Variants in DPP10 observed in about 807,000 individuals in gnomAD.
DPP10 encodes dipeptidyl peptidase like 10.
DPP10 carries 33 observed loss-of-function variants against 120.9 expected under a neutral mutation model. That is an observed-to-expected ratio of 0.27 (90% CI 0.21 to 0.37). DPP10 has a LOEUF of 0.37. Among genes scored for constraint, DPP10 ranks in the 10% least tolerant of loss-of-function variants. The pLI is 1.00. For missense variants in DPP10, 816 were observed against 942.8 expected (o/e 0.87, Z 1.76); for synonymous variants, 337 against 326.1 (o/e 1.03, Z -0.36).
At chr2:115,643,821 A>T (rs1469780017) in intron 5 of DPP10, among the ~76,000 whole-genome samples, 1 of 152,192 alleles carries the variant, frequency 6.6e-6, no homozygotes, top group Non-Finnish European at 1.5e-5. Flanking sequence ...TGATGAGCTT[A>T]GTCAGTTATT....
chr2:115,204,712 C>T (rs750003361), intron 1 of DPP10, among the ~76,000 whole-genome samples: 13 of 152,154 alleles, frequency 8.5e-5, no homozygotes, highest in African/African-American at 1.4e-4. Flanking sequence ...ATCTGTCTGC[C>T]TGTTCTGTCA....
chr2:114,865,892 C>A lies in DPP10; in HGVS notation c.60+423054C>A, dbSNP rs1690185485. 2.0e-5 allele frequency among the ~76,000 whole-genome samples: 3 copies of A among 152,054 alleles called. No homozygotes were observed. The South Asian group carries it at 6.2e-4, about 31-fold the overall frequency. ...TTTTGACAGTCCGAGGTGGGTGGATCACCTGAGGTAGGGAGTTCAAGACCA... is the reference window on the plus strand; with the variant it reads ...TTTTGACAGTCCGAGGTGGGTGGATAACCTGAGGTAGGGAGTTCAAGACCA... On this transcript the variant is annotated intron_variant, in intron 1 of 25. Transcript: ENST00000410059.
chr2:115,677,359 G>C (rs1016267078), intron 5 of DPP10, among the ~76,000 whole-genome samples: 3 of 152,176 alleles, frequency 2.0e-5, no homozygotes, highest in African/African-American at 7.2e-5. Context: ...GAGGAAGAAA[G>C]AAACAAAGAA....
intron 1 of DPP10, among the ~76,000 whole-genome samples, chr2:115,219,681 T>A (rs2057033573): frequency 6.6e-6 from 1 of 152,164 alleles, no homozygotes; most frequent in Non-Finnish European, 1.5e-5. Flanking sequence ...TCAAAAGAAC[T>A]TAATAATTAG....
chr2:114,581,468 C>A (rs11690260), intron 1 of DPP10, among the ~76,000 whole-genome samples: 3,905 of 152,202 alleles, frequency 0.026, 64 homozygotes, highest in South Asian at 0.034. Flanking sequence ...CAGGCATGAG[C>A]CACCACGCCC....
intron 1 of DPP10, among the ~76,000 whole-genome samples, chr2:114,936,425 G>A (rs150319520): frequency 2.8e-4 from 42 of 149,674 alleles, no homozygotes; most frequent in Middle Eastern, 3.5e-3. Flanking sequence ...ATATATGTGC[G>A]TATATATACA....
chr2:115,412,495 G>A (rs1048748172), intron 3 of DPP10, among the ~76,000 whole-genome samples: 4 of 152,124 alleles, frequency 2.6e-5, no homozygotes, highest in Non-Finnish European at 4.4e-5. Flanking sequence ...AAGGTTCATC[G>A]AAATTTAAAT....
chr2:114,914,898 G>A (rs1558874651), intron 1 of DPP10, among the ~76,000 whole-genome samples: 1 of 152,152 alleles, frequency 6.6e-6, no homozygotes, highest in African/African-American at 2.4e-5. Flanking sequence ...TTGGGAGGCC[G>A]AGGCGGGCGG....
At chr2:114,996,334 TATA>T (rs1701080361) in intron 1 of DPP10, among the ~76,000 whole-genome samples, 1 of 152,216 alleles carries the variant, frequency 6.6e-6, no homozygotes, top group African/African-American at 2.4e-5. Flanking sequence ...AGCATATAGA[TATA>T]ATAATGACAT....
chr2:115,205,123 T>C (rs893829886), intron 1 of DPP10, among the ~76,000 whole-genome samples: 2 of 152,198 alleles, frequency 1.3e-5, no homozygotes, highest in African/African-American at 4.8e-5. Context: ...ATTTTTATTT[T>C]TGTTGCAGTT....
chr2:115,190,568 C>T (rs192587869), intron 1 of DPP10, among the ~76,000 whole-genome samples: 2 of 152,242 alleles, frequency 1.3e-5, no homozygotes, highest in Admixed American at 1.3e-4. Flanking sequence ...TCGCTTTTCC[C>T]CCGGCGGTGA....
intron 1 of DPP10, among the ~76,000 whole-genome samples, chr2:114,683,538 T>C (rs533481840): frequency 1.6e-4 from 24 of 147,682 alleles, no homozygotes; most frequent in Non-Finnish European, 3.0e-4. Context: ...CTTCCTTCCT[T>C]CCTTCCTCCC....
chr2:115,589,065 A>G (rs772034034), intron 5 of DPP10, among the ~76,000 whole-genome samples: 1 of 152,192 alleles, frequency 6.6e-6, no homozygotes, highest in Non-Finnish European at 1.5e-5. Flanking sequence ...GCATTCATTC[A>G]CTTGACCAGT....
chr2:115,808,589 A>G (rs993924730), intron 19 of DPP10, among the ~76,000 whole-genome samples: 2 of 152,162 alleles, frequency 1.3e-5, no homozygotes, highest in African/African-American at 4.8e-5. Context: ...CTCTATACCA[A>G]ATTAAAAGCA....
intron 1 of DPP10, among the ~76,000 whole-genome samples, chr2:114,941,715 C>A (rs547028382): frequency 1.3e-5 from 2 of 152,082 alleles, no homozygotes; most frequent in Non-Finnish European, 2.9e-5. Flanking sequence ...AATTAGCTGC[C>A]ATTCACTTAC....
intron 1 of DPP10, among the ~76,000 whole-genome samples, chr2:114,850,621 G>C (rs1688878048): frequency 6.6e-6 from 1 of 151,958 alleles, no homozygotes; most frequent in Non-Finnish European, 1.5e-5. Context: ...GAGAAGTTGG[G>C]GGTTGGTATG....
At chr2:114,783,828 T>G (rs1399242066) in intron 1 of DPP10, among the ~76,000 whole-genome samples, 1 of 151,664 alleles carries the variant, frequency 6.6e-6, no homozygotes, top group African/African-American at 2.4e-5. Flanking sequence ...AATAAGACGC[T>G]CTCTCTCTCT....
chr2:114,543,674 G>A (rs1687133326), intron 1 of DPP10, among the ~76,000 whole-genome samples: 1 of 152,032 alleles, frequency 6.6e-6, no homozygotes, highest in Non-Finnish European at 1.5e-5. Context: ...CATTAAGCAA[G>A]CAAACTCCTC....
At chr2:114,931,446 C>G (rs565986734) in intron 1 of DPP10, among the ~76,000 whole-genome samples, 1 of 152,174 alleles carries the variant, frequency 6.6e-6, no homozygotes, top group African/African-American at 2.4e-5. Flanking sequence ...TTCTAACAAC[C>G]AGTTCTCATG....
Sources: gnomAD v4.1 joint callset for allele counts (sites outside exome capture counted in the v4.1 genomes callset) on GRCh38, gnomAD v4.1.1 for gene constraint, MANE v1.5 for transcripts, NCBI Gene and HGNC (gene_info 2026-07-23, HGNC 2026-07-21) for gene names.